The following GRB10 variants were observed in gnomAD, a reference collection of about 807,000 sequenced individuals.
GRB10 encodes the protein growth factor receptor bound protein 10.
GRB10 carries 20 observed loss-of-function variants against 80.9 expected under a neutral mutation model. The observed-to-expected ratio is 0.25, with a 90% confidence interval of 0.17 to 0.36. The LOEUF (loss-of-function observed/expected upper bound fraction) is 0.36, where lower values mean the gene tolerates loss of function less well. Ranked by LOEUF, GRB10 falls within the 10% of genes least tolerant of loss-of-function variation. The pLI is 1.00. For synonymous variants in GRB10, 291 were observed against 291.5 expected (o/e 1.00, Z 0.02); for missense variants, 548 against 747.7 (o/e 0.73, Z 3.12).
intron 9 of GRB10, among the ~76,000 whole-genome samples, chr7:50,618,613 T>G (rs1033926943): frequency 2.0e-5 from 3 of 152,234 alleles, no homozygotes; most frequent in Admixed American, 2.0e-4. Flanking sequence ...CCCCAGTTGA[T>G]GCAGCTCTGA....
intron 1 of GRB10, chr7:50,781,627 T>C (rs1297554429): frequency 2.0e-5 from 3 of 152,310 alleles, no homozygotes. Context: ...TAGCCACCTG[T>C]GTGCCGGCTC....
At chr7:50,764,900 G>A (rs1419896103) in intron 2 of GRB10, among the ~76,000 whole-genome samples, 1 of 151,882 alleles carries the variant, frequency 6.6e-6, no homozygotes, top group Admixed American at 6.6e-5. Flanking sequence ...GAAAATGAGA[G>A]AAACTATTTG....
At chr7:50,756,599 G>A (rs2075122215) in intron 2 of GRB10, among the ~76,000 whole-genome samples, 1 of 152,194 alleles carries the variant, frequency 6.6e-6, no homozygotes, top group Non-Finnish European at 1.5e-5. Flanking sequence ...TTCCAATTCT[G>A]GCTCTGATCT....
At chr7:50,733,762 C>CT (rs2070317491) in intron 3 of GRB10, among the ~76,000 whole-genome samples, 1 of 152,220 alleles carries the variant, frequency 6.6e-6, no homozygotes. Context: ...AGTCCAGGCT[C>CT]TAATTCCCAG....
intron 7 of GRB10, among the ~76,000 whole-genome samples, chr7:50,632,727 G>C (rs2054236571): frequency 6.6e-6 from 1 of 152,186 alleles, no homozygotes; most frequent in Admixed American, 6.5e-5. Context: ...GGTTGGGGGA[G>C]TGTGAGCTGG....
In GRB10 at chr7:50,779,311, TAGAAGCTGCATTTTATTATC is replaced by T. The variant is rs1461906436; in HGVS notation, c.-217+1296_-217+1315del. On this transcript the variant is annotated intron_variant, in intron 2 of 18. Transcript: ENST00000401949. ...AGGTCCCAACCAAGACCAACTAAATTAGAAGCTGCATTTTATTATCAGCCCCAGGAGATTCCCATGCATAT... is the reference window on the plus strand; with the variant it reads ...AGGTCCCAACCAAGACCAACTAAATTAGCCCCAGGAGATTCCCATGCATAT... 1.1e-4 allele frequency: 16 copies of T among 152,274 alleles called. No homozygotes were observed. The South Asian group carries it at 1.7e-3, about 16-fold the overall frequency. 9.4% of individuals were successfully genotyped at this position (152,274 alleles called of 1,614,324 possible). A position where few individuals can be genotyped will look rare whatever the true frequency, so the allele number is the denominator to read the frequency against.
chr7:50,736,748 C>A (rs754894592), intron 3 of GRB10, among the ~76,000 whole-genome samples: 1 of 152,204 alleles, frequency 6.6e-6, no homozygotes, highest in African/African-American at 2.4e-5. Context: ...AACGCCACTA[C>A]ACTCCAGCCA....
rs975760459 is a variant in GRB10, at chr7:50,621,837, T to C, written c.662-2552A>G. On this transcript the variant is annotated intron_variant, in intron 8 of 18. Coordinates refer to ENST00000401949, the MANE Select transcript of GRB10 (RefSeq NM_001350814.2). ...TTTGTATTTTTCAAATTTCTGAAAC[T>C]AATGCTGGCATTACTCTACTCCTCA... Among the ~76,000 whole-genome samples, 5 of 152,240 alleles carry C rather than the reference T, an allele frequency of 3.3e-5. No homozygotes were observed. In the East Asian group the frequency reaches 9.6e-4, roughly 29 times the overall value.
At chr7:50,792,903 G>A (rs1401364695) in intron 1 of GRB10, 3 of 148,122 alleles carry the variant, frequency 2.0e-5, no homozygotes, top group Non-Finnish European at 4.5e-5. Context: ...TGCACCGCTT[G>A]GACTCCACAC....
intron 7 of GRB10, chr7:50,645,604 T>C (rs961435491): frequency 7.1e-6 from 7 of 985,124 alleles, no homozygotes; most frequent in East Asian, 1.1e-4. Flanking sequence ...CTTACCCCCA[T>C]CCTCCAATCG....
intron 4 of GRB10, chr7:50,727,889 C>T (rs1055011423): frequency 1.3e-5 from 2 of 152,160 alleles, no homozygotes; most frequent in African/African-American, 2.4e-5. Context: ...TTCACAATGA[C>T]GCTGAAAACA....
intron 2 of GRB10, among the ~76,000 whole-genome samples, chr7:50,758,109 G>C (rs2075311173): frequency 6.6e-6 from 1 of 152,186 alleles, no homozygotes; most frequent in Admixed American, 6.5e-5. Context: ...GAGTTAGTAA[G>C]ATACAATGCC....
intron 7 of GRB10, among the ~76,000 whole-genome samples, chr7:50,629,720 C>T (rs1006549379): frequency 6.6e-5 from 10 of 152,204 alleles, no homozygotes; most frequent in Non-Finnish European, 1.3e-4. Flanking sequence ...TACTGCCAGC[C>T]ACTGACCACG....
intron 7 of GRB10, among the ~76,000 whole-genome samples, chr7:50,630,741 G>A (rs1017709287): frequency 3.9e-5 from 6 of 152,120 alleles, no homozygotes; most frequent in Admixed American, 2.6e-4. Flanking sequence ...TATTAAAGAG[G>A]GCATAATTAT....
At chr7:50,773,253 T>G (rs2077158126) in intron 2 of GRB10, among the ~76,000 whole-genome samples, 2 of 151,624 alleles carry the variant, frequency 1.3e-5, no homozygotes, top group South Asian at 4.2e-4. Context: ...CATGTGGAAA[T>G]TATGGGAGCT....
intron 17 of GRB10, among the ~76,000 whole-genome samples, chr7:50,603,791 C>T (rs1376362909): frequency 2.0e-5 from 3 of 152,228 alleles, no homozygotes. Context: ...ACACTCTGGG[C>T]AGACATGGAT....
intron 17 of GRB10, among the ~76,000 whole-genome samples, chr7:50,596,376 G>A (rs942446483): frequency 1.3e-5 from 2 of 152,184 alleles, no homozygotes; most frequent in African/African-American, 2.4e-5. Flanking sequence ...ATCACTTTTC[G>A]GGGGTGCTCC....
At chr7:50,754,193 T>A (rs1479079512) in intron 3 of GRB10, among the ~76,000 whole-genome samples, 1 of 152,130 alleles carries the variant, frequency 6.6e-6, no homozygotes, top group Non-Finnish European at 1.5e-5. Context: ...CAATGAGCAG[T>A]CAAGAGGCAA....
intron 3 of GRB10, among the ~76,000 whole-genome samples, chr7:50,737,591 G>A (rs1407663743): frequency 6.6e-6 from 1 of 152,256 alleles, no homozygotes; most frequent in African/African-American, 2.4e-5. Flanking sequence ...GCTCACACCT[G>A]TAATCCCAAC....
Sources: gnomAD v4.1 joint callset for allele counts (sites outside exome capture counted in the v4.1 genomes callset) on GRCh38, gnomAD v4.1.1 for gene constraint, MANE v1.5 for transcripts, NCBI Gene and HGNC (gene_info 2026-07-23, HGNC 2026-07-21) for gene names.